The following ADAM22 variants were observed in gnomAD, a reference collection of about 807,000 sequenced individuals.
The protein encoded by ADAM22 is disintegrin and metalloproteinase domain-containing protein 22.
Under a neutral mutation model 144.6 loss-of-function variants are expected in ADAM22, and 65 were observed. The observed-to-expected ratio is 0.45, with a 90% CI of 0.37 to 0.55. The LOEUF is 0.55. Ranked by LOEUF, ADAM22 falls within the 20% of genes least tolerant of loss-of-function variation. ADAM22 has a pLI of 0.00. For synonymous variants in ADAM22, 391 were observed against 412.6 expected, an observed-to-expected ratio of 0.95 and a Z score of 0.63; for missense variants, 974 against 1,184.9, an observed-to-expected ratio of 0.82 and a Z score of 2.61.
At chr7:88,124,423 C>G (rs140472892) in intron 7 of ADAM22, among the ~76,000 whole-genome samples, 362 of 151,592 alleles carry the variant, frequency 2.4e-3, no homozygotes, top group African/African-American at 8.6e-3. Context: ...ATTAATATTT[C>G]CTTCACAGTT....
At chr7:88,099,421 T>C (rs1020358016) in intron 4 of ADAM22, among the ~76,000 whole-genome samples, 2 of 152,164 alleles carry the variant, frequency 1.3e-5, no homozygotes, top group African/African-American at 4.8e-5. Context: ...ACACAGTGCA[T>C]TGTGTTACAA....
intron 31 of ADAM22, among the ~76,000 whole-genome samples, chr7:88,196,027 G>A (rs1402884739): frequency 6.6e-6 from 1 of 152,158 alleles, no homozygotes; most frequent in Non-Finnish European, 1.5e-5. Flanking sequence ...GTCTGGTGTG[G>A]TGCCTGGGAA....
chr7:88,085,914 C>T (rs1382950687), intron 4 of ADAM22, among the ~76,000 whole-genome samples: 2 of 152,168 alleles, frequency 1.3e-5, no homozygotes, highest in Non-Finnish European at 2.9e-5. Context: ...CAGTGGCTCA[C>T]GCCTGTAATT....
At chr7:88,083,329 G>A (rs891377536) in intron 4 of ADAM22, among the ~76,000 whole-genome samples, 3 of 152,026 alleles carry the variant, frequency 2.0e-5, no homozygotes, top group Non-Finnish European at 1.5e-5. Flanking sequence ...TACACACTGG[G>A]GACTGTTGTG....
At chr7:88,081,276 G>C in intron 4 of ADAM22, among the ~76,000 whole-genome samples, 1 of 152,074 alleles carries the variant, frequency 6.6e-6, no homozygotes. Flanking sequence ...AAAGGCCTTT[G>C]ACAAAATTCA....
At chr7:88,158,802 A>G (rs1379778956) in intron 22 of ADAM22, among the ~76,000 whole-genome samples, 1 of 152,144 alleles carries the variant, frequency 6.6e-6, no homozygotes, top group Non-Finnish European at 1.5e-5. Flanking sequence ...CTCATCAAAA[A>G]GTTAGAAAGC....
chr7:88,048,399 T>C (rs1805271081), intron 3 of ADAM22, among the ~76,000 whole-genome samples: 1 of 152,266 alleles, frequency 6.6e-6, no homozygotes, highest in African/African-American at 2.4e-5. Context: ...ACTAGAAATA[T>C]ATCCTCTATT....
chr7:87,977,937 A>G (rs979711216), intron 2 of ADAM22, among the ~76,000 whole-genome samples: 11 of 152,238 alleles, frequency 7.2e-5, no homozygotes, highest in Non-Finnish European at 1.5e-5. Flanking sequence ...TTCTTTCTAA[A>G]TAGATCATAT....
In ADAM22 at chr7:87,948,741, T is replaced by A. The variant is rs1448511883; in HGVS notation, c.246+13555T>A. Among the ~76,000 whole-genome samples, 3 of 152,164 alleles carry A rather than the reference T, an allele frequency of 2.0e-5. 1 individual carries two copies. The highest frequency in any genetic ancestry group is 4.4e-5 in the Non-Finnish European group (3 of 68,018). On this transcript the variant is annotated intron_variant, in intron 2 of 31. Coordinates refer to ENST00000413139, the MANE Select transcript of ADAM22 (RefSeq NM_001324418.2). ...TTTGCCTCATAGGCTTGGCATAAAG[T>A]TGTGCATGCTTATGTGTCCATTAAG...
At chr7:88,113,738 A>G (rs1460976317) in intron 5 of ADAM22, among the ~76,000 whole-genome samples, 8 of 130,840 alleles carry the variant, frequency 6.1e-5, no homozygotes, top group African/African-American at 2.0e-4. Flanking sequence ...ATATATATAT[A>G]TAGTAAGTCC....
At position 88,030,513 on chromosome 7, in the gene ADAM22, T is replaced by C. The variant is rs959549553; in HGVS notation, c.324-45113T>C. 2.2e-4 allele frequency among the ~76,000 whole-genome samples: 33 copies of C among 152,262 alleles called. No individual in the cohort carries two copies. The East Asian group carries it at 2.3e-3, about 11-fold the overall frequency. ...TATTTGGTGATATGGCTTGGCTCTG[T>C]GTCTCCACCCAAATCTCATGTTGAA... On this transcript the variant is annotated intron_variant, in intron 3 of 31. Transcript: ENST00000413139.
At chr7:88,156,833 C>A (rs1055433405) in intron 22 of ADAM22, among the ~76,000 whole-genome samples, 2 of 151,476 alleles carry the variant, frequency 1.3e-5, no homozygotes, top group Admixed American at 6.6e-5. Context: ...CTCAGTGGTA[C>A]CGATTTCCAG....
At chr7:88,029,834 T>A (rs2129469210) in intron 3 of ADAM22, among the ~76,000 whole-genome samples, 1 of 152,146 alleles carries the variant, frequency 6.6e-6, no homozygotes, top group Admixed American at 6.5e-5. Context: ...CATGGAAAAA[T>A]CTGCTGCCAG....
intron 21 of ADAM22, among the ~76,000 whole-genome samples, chr7:88,155,397 C>A (rs916301537): frequency 6.6e-6 from 1 of 151,768 alleles, no homozygotes; most frequent in Non-Finnish European, 1.5e-5. Context: ...GTAGCATACA[C>A]CTGTAGTCCC....
At chr7:88,068,986 G>T (rs1176850975) in intron 3 of ADAM22, among the ~76,000 whole-genome samples, 1 of 152,036 alleles carries the variant, frequency 6.6e-6, no homozygotes, top group South Asian at 2.1e-4. Context: ...TGAAGAGGTG[G>T]GACCTTTTAA....
At chr7:88,150,083 CTA>C (rs1563331678) in intron 18 of ADAM22, among the ~76,000 whole-genome samples, 1 of 152,140 alleles carries the variant, frequency 6.6e-6, no homozygotes, top group African/African-American at 2.4e-5. Flanking sequence ...ACATCGTCAC[CTA>C]TATGTCACAA....
intron 1 of ADAM22, 188 bp downstream of exon 1, chr7:87,934,738 C>G (rs1840771190): frequency 1.4e-5 from 9 of 649,290 alleles, no homozygotes; most frequent in Non-Finnish European, 2.3e-5. Flanking sequence ...CGCGCAGATG[C>G]ACTGGAAGCC....
At chr7:88,051,680 T>C (rs1195550537) in intron 3 of ADAM22, among the ~76,000 whole-genome samples, 7 of 152,040 alleles carry the variant, frequency 4.6e-5, no homozygotes, top group Admixed American at 4.6e-4. Context: ...TGCACATGTT[T>C]CCCAGAACTT....
chr7:88,154,410 G>A (rs985762495), intron 21 of ADAM22, among the ~76,000 whole-genome samples: 2 of 151,988 alleles, frequency 1.3e-5, no homozygotes, highest in African/African-American at 4.8e-5. Context: ...TCCTCCAGAA[G>A]CACCCTTTAA....
Sources: allele counts gnomAD v4.1 joint callset (sites outside exome capture counted in the v4.1 genomes callset), GRCh38; gene constraint gnomAD v4.1.1; transcripts MANE v1.5; gene names NCBI Gene and HGNC (gene_info 2026-07-23, HGNC 2026-07-21).